ST6GALNAC3: variants seen among roughly 807,000 people sequenced by gnomAD.
ST6GALNAC3 encodes the protein alpha-N-acetylgalactosaminide alpha-2,6-sialyltransferase 3.
In ST6GALNAC3, 25 loss-of-function variants were observed where a neutral mutation model predicts 32.7. The observed-to-expected ratio is 0.76, with a 90% CI of 0.56 to 1.07. The LOEUF (loss-of-function observed/expected upper bound fraction) is 1.07, where lower values mean the gene tolerates loss of function less well. ST6GALNAC3 is among the 50% of genes least tolerant of loss of function. ST6GALNAC3 has a pLI of 0.00. For synonymous variants in ST6GALNAC3, 129 were observed against 133.1 expected (o/e 0.97, Z 0.21); for missense variants, 355 against 382.4 (o/e 0.93, Z 0.60).
intron 1 of ST6GALNAC3, among the ~76,000 whole-genome samples, chr1:76,167,624 C>CTTGTTTTTTT: frequency 6.7e-6 from 1 of 148,732 alleles, no homozygotes; most frequent in Non-Finnish European, 1.5e-5. Flanking sequence ...TGGCCCTGGG[C>CTTGTTTTTTT]TTTTATTGGT....
intron 3 of ST6GALNAC3, among the ~76,000 whole-genome samples, chr1:76,578,557 T>C (rs764619046): frequency 6.6e-6 from 1 of 151,994 alleles, no homozygotes; most frequent in Non-Finnish European, 1.5e-5. Context: ...TATTCAGTAT[T>C]AAAGATTAGC....
At chr1:76,214,230 A>G (rs1655333625) in intron 1 of ST6GALNAC3, among the ~76,000 whole-genome samples, 1 of 152,186 alleles carries the variant, frequency 6.6e-6, no homozygotes, top group Non-Finnish European at 1.5e-5. Context: ...CATTTCAAGA[A>G]TACAACAGCC....
intron 2 of ST6GALNAC3, among the ~76,000 whole-genome samples, chr1:76,400,428 A>G (rs548571725): frequency 1.1e-3 from 162 of 152,324 alleles, no homozygotes; most frequent in Non-Finnish European, 2.0e-3. Context: ...TACTTGAAAT[A>G]TAACAGCCAA....
chr1:76,332,334 C>T (rs191544840), intron 2 of ST6GALNAC3, among the ~76,000 whole-genome samples: 23 of 152,208 alleles, frequency 1.5e-4, no homozygotes, highest in Non-Finnish European at 2.8e-4. Flanking sequence ...TTTCTTTTTC[C>T]AGTCATCTCA....
intron 3 of ST6GALNAC3, among the ~76,000 whole-genome samples, chr1:76,533,376 T>C (rs536761578): frequency 6.6e-6 from 1 of 152,154 alleles, no homozygotes; most frequent in African/African-American, 2.4e-5. Flanking sequence ...TCCATACACA[T>C]GTGAACGTCC....
intron 1 of ST6GALNAC3, among the ~76,000 whole-genome samples, chr1:76,113,931 TCTC>T (rs1296356932): frequency 2.6e-5 from 4 of 151,746 alleles, no homozygotes; most frequent in Non-Finnish European, 5.9e-5. Flanking sequence ...TTCAAGCAAT[TCTC>T]CTGCCTCAAC....
At chr1:76,426,784 G>A (rs1022382258) in intron 3 of ST6GALNAC3, among the ~76,000 whole-genome samples, 19 of 151,768 alleles carry the variant, frequency 1.3e-4, no homozygotes, top group Admixed American at 2.0e-4. Flanking sequence ...TGAGTAATGC[G>A]TTGTACTATG....
rs11805218 is a variant in ST6GALNAC3, at chr1:76,409,860, C to G, written c.214-2148C>G. Among the ~76,000 whole-genome samples, 389 of 152,120 alleles carry G rather than the reference C, an allele frequency of 2.6e-3. 1 individual carries two copies. The highest frequency in any genetic ancestry group is 8.9e-3 in the African/African-American group (370 of 41,512). On this transcript the variant is annotated intron_variant, in intron 2 of 4. Transcript: ENST00000328299. The stretch of plus-strand genomic sequence containing the variant: ...TCCATTCTTTTTAGTTTTTGAGTTT[C>G]CCATATTACTTTACTAATTAGGGGG...
intron 3 of ST6GALNAC3, among the ~76,000 whole-genome samples, chr1:76,563,855 T>A (rs888027052): frequency 6.6e-6 from 1 of 152,228 alleles, no homozygotes; most frequent in South Asian, 2.1e-4. Flanking sequence ...CTTCTGCCCC[T>A]CTAAAGCTAC....
At chr1:76,369,153 A>C (rs1486053086) in intron 2 of ST6GALNAC3, among the ~76,000 whole-genome samples, 2 of 152,100 alleles carry the variant, frequency 1.3e-5, no homozygotes, top group Admixed American at 1.3e-4. Flanking sequence ...TCCCTCCACC[A>C]AGACTAATGC....
intron 1 of ST6GALNAC3, among the ~76,000 whole-genome samples, chr1:76,195,605 G>A (rs1169918016): frequency 2.6e-5 from 4 of 152,186 alleles, no homozygotes; most frequent in East Asian, 1.9e-4. Flanking sequence ...GTGCTAAGGC[G>A]CTAGCAATTT....
intron 1 of ST6GALNAC3, among the ~76,000 whole-genome samples, chr1:76,075,471 A>C (rs1557592250): frequency 6.6e-6 from 1 of 152,198 alleles, no homozygotes; most frequent in South Asian, 2.1e-4. Context: ...ATGTTAGTAG[A>C]GAACCTCTCA....
intron 3 of ST6GALNAC3, among the ~76,000 whole-genome samples, chr1:76,529,748 G>C (rs1296809685): frequency 6.6e-6 from 1 of 152,150 alleles, no homozygotes; most frequent in African/African-American, 2.4e-5. Context: ...ACAGCAATGA[G>C]TATGAACTGT....
intron 1 of ST6GALNAC3, among the ~76,000 whole-genome samples, chr1:76,223,394 T>G (rs1185676855): frequency 6.6e-6 from 1 of 152,036 alleles, no homozygotes; most frequent in African/African-American, 2.4e-5. Flanking sequence ...ATACTGGGGC[T>G]TATTTCAGAG....
At chr1:76,136,501 C>T (rs894852230) in intron 1 of ST6GALNAC3, among the ~76,000 whole-genome samples, 1 of 150,534 alleles carries the variant, frequency 6.6e-6, no homozygotes, top group Non-Finnish European at 1.5e-5. Context: ...TAATTCTATC[C>T]TACTTGGTTT....
At chr1:76,206,318 G>C (rs1396504190) in intron 1 of ST6GALNAC3, among the ~76,000 whole-genome samples, 1 of 152,168 alleles carries the variant, frequency 6.6e-6, no homozygotes, top group African/African-American at 2.4e-5. Context: ...GGAAGGCAGT[G>C]GGGGTGCGGA....
intron 1 of ST6GALNAC3, among the ~76,000 whole-genome samples, chr1:76,310,342 A>C (rs1349407519): frequency 2.0e-5 from 3 of 152,188 alleles, no homozygotes. Flanking sequence ...ATGATTCCAC[A>C]GAGGAGCAAA....
chr1:76,342,314 A>T (rs1374075470), intron 2 of ST6GALNAC3, among the ~76,000 whole-genome samples: 1 of 152,170 alleles, frequency 6.6e-6, no homozygotes, highest in East Asian at 1.9e-4. Context: ...GAACTAATTT[A>T]CACTCCCACC....
chr1:76,479,339 T>C (rs991843408), intron 3 of ST6GALNAC3, among the ~76,000 whole-genome samples: 1 of 152,224 alleles, frequency 6.6e-6, no homozygotes, highest in Non-Finnish European at 1.5e-5. Flanking sequence ...CCTGTAAAGA[T>C]TCCCCTGAGT....
Sources: allele counts gnomAD v4.1 joint callset (sites outside exome capture counted in the v4.1 genomes callset), GRCh38; gene constraint gnomAD v4.1.1; transcripts MANE v1.5; gene names NCBI Gene and HGNC (gene_info 2026-07-23, HGNC 2026-07-21).